Variants in DAB1 observed in about 807,000 individuals in gnomAD.
DAB1 encodes DAB adaptor protein 1.
A neutral mutation model predicts 64.6 loss-of-function variants in DAB1; 15 were observed. The ratio of observed to expected loss-of-function variants is 0.23; its 90% CI spans 0.16 to 0.36. The LOEUF is 0.36. DAB1 is among the 10% of genes least tolerant of loss of function. DAB1 has a pLI of 1.00. For missense variants in DAB1, 596 were observed against 706.7 expected, an observed-to-expected ratio of 0.84 and a Z score of 1.78; for synonymous variants, 235 against 251.9, an observed-to-expected ratio of 0.93 and a Z score of 0.64.
chr1:57,479,639 A>G (rs961757253), intron 7 of DAB1, among the ~76,000 whole-genome samples: 8 of 152,018 alleles, frequency 5.3e-5, no homozygotes, highest in Admixed American at 2.0e-4. Context: ...CAGCTTAAAG[A>G]TCAGGGGCTG....
chr1:57,162,647 C>T (rs922024401), intron 2 of DAB1, among the ~76,000 whole-genome samples: 6 of 152,206 alleles, frequency 3.9e-5, no homozygotes, highest in Non-Finnish European at 7.3e-5. Context: ...AAGTGGGTGT[C>T]TCTGCCAGCA....
intron 1 of DAB1, among the ~76,000 whole-genome samples, chr1:57,393,528 C>CAA (rs1348124607): frequency 1.2e-4 from 18 of 145,810 alleles, no homozygotes; most frequent in African/African-American, 3.3e-4. Context: ...TCCATCTCTA[C>CAA]AAAAAAAAAA....
chr1:57,940,560 T>C (rs907641113), intron 5 of DAB1, among the ~76,000 whole-genome samples: 1 of 152,198 alleles, frequency 6.6e-6, no homozygotes, highest in Non-Finnish European at 1.5e-5. Context: ...TGCAAATGAA[T>C]CAGCTGAAGA....
intron 1 of DAB1, among the ~76,000 whole-genome samples, chr1:57,295,724 G>A (rs1673144736): frequency 6.6e-6 from 1 of 152,140 alleles, no homozygotes. Context: ...GGGTGGTGAT[G>A]TGACTGGGTG....
intron 4 of DAB1, among the ~76,000 whole-genome samples, chr1:58,227,896 C>T (rs906150317): frequency 3.3e-5 from 5 of 152,156 alleles, no homozygotes; most frequent in Admixed American, 6.5e-5. Flanking sequence ...TTTTGCATTT[C>T]CCCCCTCTGC....
At chr1:58,034,806 T>C (rs1243007110) in intron 5 of DAB1, among the ~76,000 whole-genome samples, 1 of 152,044 alleles carries the variant, frequency 6.6e-6, no homozygotes, top group Non-Finnish European at 1.5e-5. Context: ...CCTACCCTCT[T>C]CCCCCTTCTA....
intron 6 of DAB1, among the ~76,000 whole-genome samples, chr1:57,776,230 C>A (rs1449295178): frequency 6.6e-6 from 1 of 151,544 alleles, no homozygotes; most frequent in African/African-American, 2.4e-5. Context: ...CTTATTGGAG[C>A]ACTTTGGATT....
intron 3 of DAB1, among the ~76,000 whole-genome samples, chr1:58,460,870 G>A (rs1482721491): frequency 2.0e-5 from 3 of 152,230 alleles, no homozygotes; most frequent in Non-Finnish European, 4.4e-5. Context: ...CTGTTTGTCA[G>A]AGATCCTGGA....
intron 3 of DAB1, among the ~76,000 whole-genome samples, chr1:58,472,537 G>A (rs891226325): frequency 1.3e-5 from 2 of 152,194 alleles, no homozygotes; most frequent in Non-Finnish European, 2.9e-5. Flanking sequence ...GTGACAAATT[G>A]TGGCCCCTGA....
intron 7 of DAB1, among the ~76,000 whole-genome samples, chr1:57,540,159 T>G (rs1917338): frequency 0.92 from 139,629 of 152,254 alleles, 65,207 homozygotes; most frequent in East Asian, 1. Flanking sequence ...CAGATTTAAT[T>G]TTTGCCATTT....
intron 5 of DAB1, among the ~76,000 whole-genome samples, chr1:57,921,965 C>T (rs373702020): frequency 9.2e-5 from 14 of 152,304 alleles, no homozygotes; most frequent in African/African-American, 2.4e-4. Context: ...CCCTCACCTT[C>T]GTATTCACTC....
chr1:57,132,274 T>C (rs1183386357), intron 4 of DAB1, among the ~76,000 whole-genome samples: 1 of 152,088 alleles, frequency 6.6e-6, no homozygotes, highest in Non-Finnish European at 1.5e-5. Context: ...AATTGGCAAA[T>C]GTGCACAAAA....
At chr1:57,925,067 A>G (rs1435141877) in intron 5 of DAB1, among the ~76,000 whole-genome samples, 1 of 152,222 alleles carries the variant, frequency 6.6e-6, no homozygotes, top group Non-Finnish European at 1.5e-5. Flanking sequence ...GTTGTTAAAT[A>G]CAGAATAATG....
chr1:58,004,358 C>T (rs1162557201), intron 5 of DAB1, among the ~76,000 whole-genome samples: 1 of 152,100 alleles, frequency 6.6e-6, no homozygotes, highest in Non-Finnish European at 1.5e-5. Context: ...TCAAGGCAGG[C>T]CAGGGGTGGA....
intron 3 of DAB1, among the ~76,000 whole-genome samples, chr1:58,454,620 C>G (rs1328767010): frequency 6.6e-6 from 1 of 152,150 alleles, no homozygotes; most frequent in Non-Finnish European, 1.5e-5. Flanking sequence ...TCCTTGCTTT[C>G]TAAGTAGCAT....
At chr1:57,675,321 G>A (rs1444411777) in intron 6 of DAB1, among the ~76,000 whole-genome samples, 1 of 152,182 alleles carries the variant, frequency 6.6e-6, no homozygotes, top group African/African-American at 2.4e-5. Flanking sequence ...GGTTCTAGAG[G>A]TGGACAACGT....
At chr1:57,295,490 T>C (rs983499200) in intron 1 of DAB1, among the ~76,000 whole-genome samples, 5 of 152,136 alleles carry the variant, frequency 3.3e-5, no homozygotes, top group Non-Finnish European at 7.4e-5. Flanking sequence ...AGGACATTTA[T>C]CAACAAGGCC....
chr1:58,243,033 G>C (rs1312099507), intron 4 of DAB1, among the ~76,000 whole-genome samples: 2 of 152,060 alleles, frequency 1.3e-5, no homozygotes, highest in Non-Finnish European at 2.9e-5. Context: ...AAAACAGCTT[G>C]GTTTCTTCAA....
At chr1:57,071,484 G>T (rs1368355796) in intron 6 of DAB1, 38 bp downstream of exon 6, 1 of 1,592,488 alleles carries the variant, frequency 6.3e-7, no homozygotes, top group Non-Finnish European at 8.5e-7. Context: ...TTATTTGAAG[G>T]CCCGATCTCC....
Sources: gnomAD v4.1 joint callset for allele counts (sites outside exome capture counted in the v4.1 genomes callset) on GRCh38, gnomAD v4.1.1 for gene constraint, MANE v1.5 for transcripts, NCBI Gene and HGNC (gene_info 2026-07-23, HGNC 2026-07-21) for gene names.